The following RPTOR variants were observed in gnomAD, a reference collection of about 807,000 sequenced individuals.
The protein encoded by RPTOR is regulatory-associated protein of mTOR.
In RPTOR, 21 loss-of-function variants were observed where a neutral mutation model predicts 169.9. The ratio of observed to expected loss-of-function variants is 0.12; its 90% CI spans 0.09 to 0.18. RPTOR has a LOEUF of 0.18. Among genes scored for constraint, RPTOR ranks in the 10% least tolerant of loss-of-function variants. The pLI, the probability that RPTOR is intolerant of heterozygous loss-of-function variation, is 1.00. For missense variants in RPTOR, 1,133 were observed against 1,855.9 expected, an observed-to-expected ratio of 0.61 and a Z score of 7.16; for synonymous variants, 732 against 753.2, an observed-to-expected ratio of 0.97 and a Z score of 0.46.
chr17:80,648,949 T>A (rs1036541656), intron 3 of RPTOR, among the ~76,000 whole-genome samples: 2 of 152,220 alleles, frequency 1.3e-5, no homozygotes, highest in Non-Finnish European at 2.9e-5. Flanking sequence ...GACTTGCGCC[T>A]CCTTACCTTC....
intron 3 of RPTOR, among the ~76,000 whole-genome samples, chr17:80,656,093 C>T (rs1323101183): frequency 6.6e-6 from 1 of 151,976 alleles, no homozygotes; most frequent in Admixed American, 6.5e-5. Context: ...TTCTTTGAGA[C>T]AGAGTCTTGC....
chr17:80,846,367 C>A, intron 10 of RPTOR, 106 bp from the exon 11 acceptor site: 1 of 1,111,534 alleles, frequency 9.0e-7, no homozygotes, highest in Non-Finnish European at 1.3e-6. Flanking sequence ...CCCTGCAGGG[C>A]GGGCCCTTCG....
In RPTOR at chr17:80,948,306, C is replaced by T. The variant is rs1343444226; in HGVS notation, c.3265+955C>T. Among the ~76,000 whole-genome samples the T allele has an allele frequency of 5.3e-5, 8 of 152,356 alleles. No individual in the cohort carries two copies. In the South Asian group the frequency reaches 1.4e-3, roughly 28 times the overall value. ...GGGCGTGGCCATGGGGACGTGTCCT[C>T]GTGCAGCCCCTCCTCCGAGCGCTGC... On this transcript the variant is annotated intron_variant, in intron 27 of 33. Transcript: ENST00000306801.
chr17:80,782,391 T>A (rs755303036), intron 6 of RPTOR, among the ~76,000 whole-genome samples: 75 of 151,860 alleles, frequency 4.9e-4, no homozygotes, highest in African/African-American at 1.4e-3. Context: ...TTATTTATTT[T>A]TTTATTTTTA....
At position 80,860,862 on chromosome 17, in the gene RPTOR, C is replaced by T. The variant is rs1031023691; in HGVS notation, c.1509+2962C>T. Among the ~76,000 whole-genome samples the T allele has an allele frequency of 3.3e-5, 5 of 152,040 alleles. No individual in the cohort carries two copies. Among genetic ancestry groups the T allele is most frequent in the South Asian group, 2.1e-4 (1 of 4,828 alleles). ...TGGCTCTGCTGGCACGGGTCGGCTACCGTGCTTGCCATCTCTCCCAGCTGC... is the reference window on the plus strand; with the variant it reads ...TGGCTCTGCTGGCACGGGTCGGCTATCGTGCTTGCCATCTCTCCCAGCTGC... On this transcript the variant is annotated intron_variant, in intron 13 of 33. Transcript: ENST00000306801. The surrounding 1 kb of genome is among the most constrained non-coding windows in gnomAD (Gnocchi z 5.8).
chr17:80,903,038 C>G (rs1248040925), intron 20 of RPTOR, among the ~76,000 whole-genome samples: 2 of 152,220 alleles, frequency 1.3e-5, no homozygotes, highest in Non-Finnish European at 2.9e-5. Flanking sequence ...TTTCACGACT[C>G]TGCTAGATAC....
At position 80,545,638 on chromosome 17, in the gene RPTOR, C is replaced by G. The variant is rs759490809; in HGVS notation, c.9C>G (p.Ser3=). The G allele has an allele frequency of 1.2e-6, 2 of 1,611,192 alleles. No homozygotes were observed. The highest frequency in any genetic ancestry group is 1.3e-5 in the African/African-American group (1 of 74,670). ME[S]EMLQSPLLGL... ...CACCCCCTCCCCCACTGATGGAGTCCGAAATGCTGCAATCGCCTCTTCTGG... is the reference window on the plus strand; with the variant it reads ...CACCCCCTCCCCCACTGATGGAGTCGGAAATGCTGCAATCGCCTCTTCTGG... The change falls in exon 1 of 34, where the codon TCC becomes TCG. Residue 3 remains serine (S), a synonymous_variant. Transcript: ENST00000306801.
chr17:80,763,591 C>T (rs1055532484), intron 6 of RPTOR, among the ~76,000 whole-genome samples: 11 of 152,166 alleles, frequency 7.2e-5, no homozygotes, highest in Admixed American at 3.3e-4. Context: ...AACGTAAATA[C>T]GACTTTTGTC....
At chr17:80,810,461 T>C (rs927355748) in intron 7 of RPTOR, among the ~76,000 whole-genome samples, 10 of 152,210 alleles carry the variant, frequency 6.6e-5, no homozygotes, top group Admixed American at 5.9e-4. Flanking sequence ...ACTATAACTG[T>C]ATAGTTCTAT....
intron 6 of RPTOR, among the ~76,000 whole-genome samples, chr17:80,766,506 C>T (rs904358956): frequency 3.9e-5 from 6 of 152,236 alleles, no homozygotes; most frequent in Admixed American, 2.0e-4. Context: ...TGAGCCACCA[C>T]GCCTGATCCC....
At position 80,959,172 on chromosome 17, in the gene RPTOR, G is replaced by A. The variant is rs373078349; in HGVS notation, c.3478-906G>A. 3.7e-3 allele frequency among the ~76,000 whole-genome samples: 557 copies of A among 152,364 alleles called. 6 individuals are homozygous for A. The highest frequency in any genetic ancestry group is 0.012 in the South Asian group (57 of 4,832). ...GTGTGGGCAGCCTCCCCTCTGACGT[G>A]ACCGTGGATCCCTCGAGGCACCAGC... On this transcript the variant is annotated intron_variant, in intron 29 of 33. Coordinates refer to ENST00000306801, the MANE Select transcript of RPTOR (RefSeq NM_020761.3). The surrounding 1 kb of genome is among the most constrained non-coding windows in gnomAD (Gnocchi z 6.7).
rs752610583 is a variant in RPTOR, at chr17:80,598,882, T to TTCTTTCTATCTATCTA, written c.163-26806_163-26805insTTCTATCTATCTATCT. On this transcript the variant is annotated intron_variant, in intron 1 of 33. Transcript: ENST00000306801. ...ATTGACCTTAAACTTTCTTGATTCT[T>TTCTTTCTATCTATCTA]TCTATCTATCTATCTATCTATCTAT... is the stretch of plus-strand genomic sequence containing the variant. Among the ~76,000 whole-genome samples, 988 of 146,860 alleles carry TTCTTTCTATCTATCTA rather than the reference T, an allele frequency of 6.7e-3. 13 individuals are homozygous for TTCTTTCTATCTATCTA. The highest frequency in any genetic ancestry group is 0.022 in the Admixed American group (318 of 14,660).
chr17:80,569,439 C>T (rs1195613719), intron 1 of RPTOR, among the ~76,000 whole-genome samples: 7 of 152,146 alleles, frequency 4.6e-5, no homozygotes, highest in Non-Finnish European at 8.8e-5. Context: ...GCAGGAGAAT[C>T]GCTTGAACCC....
chr17:80,846,395 G>A lies in RPTOR; in HGVS notation c.1213-78G>A, dbSNP rs116692923. The A allele has an allele frequency of 5.0e-3, 7,055 of 1,402,700 alleles. 296 individuals are homozygous for A. The African/African-American group carries it at 0.088, about 17-fold the overall frequency. 86.9% of individuals were successfully genotyped at this position (1,402,700 alleles called of 1,614,324 possible). A position where few individuals can be genotyped will look rare whatever the true frequency, so the allele number is the denominator to read the frequency against. On this transcript the variant is annotated intron_variant, in intron 10 of 33. Coordinates refer to ENST00000306801, the MANE Select transcript of RPTOR (RefSeq NM_020761.3). ...GCCCTTCGTGAAGGCTTGGATGCCC[G>A]GCAGGTGGCAGGGGTGGGCAAGACC...
At chr17:80,899,075 C>A (rs192663641) in intron 20 of RPTOR, among the ~76,000 whole-genome samples, 8 of 152,224 alleles carry the variant, frequency 5.3e-5, no homozygotes, top group Admixed American at 4.6e-4. Context: ...AACCCAGACA[C>A]GCCAGCTTAG....
At position 80,880,594 on chromosome 17, in the gene RPTOR, G is replaced by GGT. The variant is rs2068176022; in HGVS notation, c.1584+106_1584+107dup. Reference sequence around the variant, plus strand: ...CTTTTGACGGGGGCTACAGGAGAAAGGTCAAGGGTCACAGCAGGGGCCACG... The same window carrying GGT: ...CTTTTGACGGGGGCTACAGGAGAAAGGTGTCAAGGGTCACAGCAGGGGCCACG... On this transcript the variant is annotated intron_variant, in intron 14 of 33. Transcript: ENST00000306801. The GGT allele has an allele frequency of 2.8e-6, 3 of 1,077,080 alleles. No individual in the cohort carries two copies. The East Asian group carries it at 7.7e-5, about 27-fold the overall frequency. The allele number at this position is 1,077,080 out of a possible 1,614,324, so 66.7% of individuals were successfully genotyped here. A position where few individuals can be genotyped will look rare whatever the true frequency, so the allele number is the denominator to read the frequency against.
chr17:80,718,363 C>T lies in RPTOR; in HGVS notation c.507+10364C>T, dbSNP rs966887299. ...GCACTATGTTCTACCCTTACCCCTC[C>T]GGACATTAAATAGGGACATAAAATG... On this transcript the variant is annotated intron_variant, in intron 4 of 33. Coordinates refer to ENST00000306801, the MANE Select transcript of RPTOR (RefSeq NM_020761.3). Among the ~76,000 whole-genome samples the T allele has an allele frequency of 3.9e-5, 6 of 152,174 alleles. No individual in the cohort carries two copies. In the East Asian group the frequency reaches 5.8e-4, roughly 15 times the overall value.
intron 1 of RPTOR, among the ~76,000 whole-genome samples, chr17:80,563,565 CA>C (rs10649649): frequency 7.2e-4 from 68 of 94,182 alleles, no homozygotes; most frequent in African/African-American, 2.4e-3. Context: ...ACTAAGTCTC[CA>C]AAAAAAAAAA....
chr17:80,600,602 C>A (rs1317429956), intron 1 of RPTOR, among the ~76,000 whole-genome samples: 2 of 152,068 alleles, frequency 1.3e-5, no homozygotes, highest in Non-Finnish European at 2.9e-5. Context: ...CTCTTTAGAC[C>A]TGGATTGGGA....
Sources: allele counts gnomAD v4.1 joint callset (sites outside exome capture counted in the v4.1 genomes callset), GRCh38; gene constraint gnomAD v4.1.1; non-coding constraint Gnocchi (gnomAD v3.1); transcripts MANE v1.5; gene names NCBI Gene and HGNC (gene_info 2026-07-23, HGNC 2026-07-21).